The following RPS6KC1 variants were observed in gnomAD, a reference collection of about 807,000 sequenced individuals.
RPS6KC1 encodes ribosomal protein S6 kinase C1, also known as inactive ribosomal protein S6 kinase delta-1.
In RPS6KC1, 54 loss-of-function variants were observed where a neutral mutation model predicts 103.8. That is an observed-to-expected ratio of 0.52 (90% CI 0.42 to 0.65). The LOEUF is 0.65. Among genes scored for constraint, RPS6KC1 ranks in the 30% least tolerant of loss-of-function variants. RPS6KC1 has a pLI of 0.00. For synonymous variants in RPS6KC1, 439 were observed against 438.7 expected (o/e 1.00, Z -0.01); for missense variants, 1,151 against 1,253.8 (o/e 0.92, Z 1.24).
intron 8 of RPS6KC1, among the ~76,000 whole-genome samples, chr1:213,177,374 T>G (rs1243653822): frequency 1.3e-5 from 2 of 152,234 alleles, no homozygotes; most frequent in East Asian, 1.9e-4. Flanking sequence ...CCATTTTTTA[T>G]GAAGCACCTT....
At chr1:213,768,160 G>C in the RPS6KC1 span, among the ~76,000 whole-genome samples, 1 of 152,126 alleles carries the variant, frequency 6.6e-6, no homozygotes, top group Non-Finnish European at 1.5e-5. Context: ...CCTTTCATGT[G>C]GCAAATTCTA....
the RPS6KC1 span, among the ~76,000 whole-genome samples, chr1:213,518,879 A>G: frequency 2.0e-5 from 3 of 152,170 alleles, no homozygotes; most frequent in Non-Finnish European, 4.4e-5. Context: ...GGATGAGTTT[A>G]TTTAGGAAAA....
At chr1:213,796,634 G>A in the RPS6KC1 span, among the ~76,000 whole-genome samples, 5 of 152,138 alleles carry the variant, frequency 3.3e-5, no homozygotes, top group Admixed American at 2.0e-4. Context: ...TCTTGTGGAC[G>A]TGAACATTTC....
At chr1:213,413,215 G>A in the RPS6KC1 span, among the ~76,000 whole-genome samples, 3 of 152,108 alleles carry the variant, frequency 2.0e-5, no homozygotes, top group African/African-American at 7.2e-5. Context: ...ATCAGATCAG[G>A]GTAATTGAGG....
the RPS6KC1 span, among the ~76,000 whole-genome samples, chr1:213,767,407 T>G: frequency 7.9e-5 from 12 of 152,312 alleles, no homozygotes; most frequent in African/African-American, 2.9e-4. Flanking sequence ...CTCCCCATCT[T>G]CTGCTGTCTT....
the RPS6KC1 span, among the ~76,000 whole-genome samples, chr1:213,339,667 GA>G: frequency 6.6e-6 from 1 of 152,228 alleles, no homozygotes; most frequent in Non-Finnish European, 1.5e-5. Flanking sequence ...GATTATTTGA[GA>G]AGACAAGCAA....
chr1:213,428,412 T>TCCCTCCCTTCCTCTC, the RPS6KC1 span, among the ~76,000 whole-genome samples: 2 of 43,126 alleles, frequency 4.6e-5, no homozygotes, highest in African/African-American at 8.1e-5. Flanking sequence ...CCTCCCTCCC[T>TCCCTCCCTTCCTCTC]CCCTCCCTTC....
chr1:213,730,002 C>G, the RPS6KC1 span, among the ~76,000 whole-genome samples: 1 of 152,150 alleles, frequency 6.6e-6, no homozygotes, highest in South Asian at 2.1e-4. Flanking sequence ...TTAGCCCCCA[C>G]TTATAAGTGA....
At chr1:213,356,313 T>C in the RPS6KC1 span, among the ~76,000 whole-genome samples, 3 of 152,226 alleles carry the variant, frequency 2.0e-5, no homozygotes, top group Non-Finnish European at 4.4e-5. Flanking sequence ...ATCCCCAGGA[T>C]TGAAAAGCGT....
At chr1:213,510,770 A>G in the RPS6KC1 span, among the ~76,000 whole-genome samples, 1 of 152,164 alleles carries the variant, frequency 6.6e-6, no homozygotes, top group Admixed American at 6.6e-5. Context: ...ACTTAACCGT[A>G]TTCTACCATT....
chr1:213,086,707 C>G (rs917642669), intron 3 of RPS6KC1, among the ~76,000 whole-genome samples: 3 of 152,154 alleles, frequency 2.0e-5, no homozygotes, highest in Admixed American at 2.0e-4. Context: ...CTTCTTGCAA[C>G]TTACATCTAA....
the RPS6KC1 span, among the ~76,000 whole-genome samples, chr1:213,662,428 A>ATTTTTT: frequency 1.1e-4 from 13 of 120,956 alleles, no homozygotes; most frequent in Non-Finnish European, 1.3e-4. Context: ...CACCTGGCTA[A>ATTTTTT]TTTTTTTTTT....
the RPS6KC1 span, among the ~76,000 whole-genome samples, chr1:213,775,800 C>T: frequency 6.6e-6 from 1 of 152,130 alleles, no homozygotes; most frequent in African/African-American, 2.4e-5. Context: ...CAGCATTTTG[C>T]CCACAGTAAA....
chr1:213,756,558 A>T, the RPS6KC1 span, among the ~76,000 whole-genome samples: 23 of 152,196 alleles, frequency 1.5e-4, no homozygotes, highest in Admixed American at 1.0e-3. Context: ...TGCTCATTAC[A>T]TGTCTCTGCA....
At chr1:213,149,507 G>T (rs1054498805) in intron 6 of RPS6KC1, among the ~76,000 whole-genome samples, 17 of 152,140 alleles carry the variant, frequency 1.1e-4, no homozygotes, top group African/African-American at 3.9e-4. Flanking sequence ...GTCAGAGAAG[G>T]TCCTTGAAAC....
the RPS6KC1 span, among the ~76,000 whole-genome samples, chr1:213,719,438 A>C: frequency 6.6e-6 from 1 of 152,178 alleles, no homozygotes; most frequent in South Asian, 2.1e-4. Context: ...ACACACAATA[A>C]CACAATAAGG....
the RPS6KC1 span, among the ~76,000 whole-genome samples, chr1:213,809,435 A>C: frequency 6.6e-6 from 1 of 152,220 alleles, no homozygotes; most frequent in Non-Finnish European, 1.5e-5. Context: ...AGACCCAGAG[A>C]CACAGTGTGA....
At chr1:213,364,931 C>CT in the RPS6KC1 span, among the ~76,000 whole-genome samples, 2 of 152,076 alleles carry the variant, frequency 1.3e-5, no homozygotes, top group African/African-American at 4.8e-5. Context: ...GCACTCCAGC[C>CT]TGGGCAATGG....
the RPS6KC1 span, among the ~76,000 whole-genome samples, chr1:213,550,346 G>A: frequency 6.6e-6 from 1 of 152,108 alleles, no homozygotes; most frequent in Non-Finnish European, 1.5e-5. Context: ...CTCCTAACAG[G>A]CTTTCTTTTC....
Sources: allele counts gnomAD v4.1 joint callset (sites outside exome capture counted in the v4.1 genomes callset), GRCh38; gene constraint gnomAD v4.1.1; transcripts MANE v1.5; gene names NCBI Gene and HGNC (gene_info 2026-07-23, HGNC 2026-07-21).